Variants in RALGAPB observed in about 807,000 individuals in gnomAD.
RALGAPB encodes the protein ral GTPase-activating protein subunit beta.
In RALGAPB, 25 loss-of-function variants were observed where a neutral mutation model predicts 161.1. The ratio of observed to expected loss-of-function variants is 0.16; its 90% CI spans 0.11 to 0.22. The LOEUF is 0.22. Ranked by LOEUF, RALGAPB falls within the 10% of genes least tolerant of loss-of-function variation. The probability of loss-of-function intolerance (pLI) is 1.00; values close to 1 mark genes in which losing one functional copy is unlikely to be tolerated. For missense variants in RALGAPB, 1,391 were observed against 1,815.2 expected (o/e 0.77, Z 4.25); for synonymous variants, 629 against 626.1 (o/e 1.00, Z -0.07).
intron 9 of RALGAPB, among the ~76,000 whole-genome samples, chr20:38,521,255 A>G (rs2086281107): frequency 6.6e-6 from 1 of 152,250 alleles, no homozygotes; most frequent in African/African-American, 2.4e-5. Context: ...AATTCAGTTG[A>G]AAAATGCTTC....
In RALGAPB at chr20:38,541,129, G is replaced by A. The variant is rs201700424; in HGVS notation, c.2651G>A (p.Gly884Glu). The A allele has an allele frequency of 1.2e-5, 20 of 1,614,082 alleles. No homozygotes were observed. The Admixed American group carries it at 2.3e-4, about 19-fold the overall frequency. ...AATGAGCAAGAGGTCAAGTACAAAG[G>A]AGATAAGGAGCCAAACCCTGCATCT... ...KNNEQEVKYK[G>E]DKEPNPASMR... The change falls in exon 18 of 30, where the codon GGA becomes GAA. Residue 884 changes from glycine (G) to glutamate (E), a missense_variant. Physicochemically the swap from Gly to Glu is moderately conservative, Grantham distance 98 (BLOSUM62 -2). Around this residue, in one of 3 missense-constraint regions of RALGAPB, gnomAD observed 946 missense variants for 1,257.2 expected, o/e 0.75. Coordinates refer to ENST00000262879, the MANE Select transcript of RALGAPB (RefSeq NM_020336.4).
chr20:38,482,909 A>C (rs2085014484), intron 1 of RALGAPB, among the ~76,000 whole-genome samples: 2 of 152,132 alleles, frequency 1.3e-5, no homozygotes, highest in African/African-American at 4.8e-5. Flanking sequence ...TTTTAGACAG[A>C]GTCCCGCTCT....
chr20:38,565,478 A>G lies in RALGAPB; in HGVS notation c.3817A>G (p.Thr1273Ala). Residue 1273 changes from threonine (T) to alanine (A), a missense_variant and splice_region_variant, in exon 25 of 30, where the codon ACT becomes GCT. By Grantham distance (58) the Thr-to-Ala change is moderately conservative (BLOSUM62 0). This residue lies in a region of RALGAPB where 436 missense variants were observed against 527.0 expected (regional missense o/e 0.83). Coordinates refer to ENST00000262879, the MANE Select transcript of RALGAPB (RefSeq NM_020336.4). ...GGTTCCTTCTCCTGTGGAGTCCTTA[A>G]GTAAGATGATTTTTGCATGGTCCTG... ...FVVPSPVESL[T>A]DSLESNISDQ... 2 of 1,612,942 alleles carry G rather than the reference A, an allele frequency of 1.2e-6. No homozygotes were observed.
intron 21 of RALGAPB, 127 bp downstream of exon 21, chr20:38,551,350 C>A: frequency 3.7e-6 from 4 of 1,069,694 alleles, no homozygotes; most frequent in Non-Finnish European, 5.4e-6. Flanking sequence ...CTCCATCATC[C>A]AGGAGGTTGC....
At chr20:38,555,385 A>AT (rs2087544742) in intron 22 of RALGAPB, among the ~76,000 whole-genome samples, 1 of 152,062 alleles carries the variant, frequency 6.6e-6, no homozygotes, top group Non-Finnish European at 1.5e-5. Flanking sequence ...TTTTTTTTGT[A>AT]TTTTTGTATT....
At chr20:38,513,640 C>CT (rs1221102658) in intron 6 of RALGAPB, among the ~76,000 whole-genome samples, 1 of 143,872 alleles carries the variant, frequency 7.0e-6, no homozygotes, top group East Asian at 2.0e-4. Context: ...CAGAGCAAGA[C>CT]TGTCTCAAAA....
intron 1 of RALGAPB, among the ~76,000 whole-genome samples, chr20:38,486,566 G>T (rs889626178): frequency 2.0e-5 from 3 of 152,092 alleles, no homozygotes; most frequent in Non-Finnish European, 4.4e-5. Flanking sequence ...TGCATTTTCA[G>T]CTAGACCCTT....
intron 1 of RALGAPB, among the ~76,000 whole-genome samples, chr20:38,484,996 C>T (rs1229654564): frequency 6.6e-6 from 1 of 152,072 alleles, no homozygotes; most frequent in Non-Finnish European, 1.5e-5. Context: ...CCACACCTGC[C>T]TGGTGATGTG....
chr20:38,557,800 T>C (rs993153374), intron 22 of RALGAPB, among the ~76,000 whole-genome samples: 1 of 152,258 alleles, frequency 6.6e-6, no homozygotes, highest in Non-Finnish European at 1.5e-5. Flanking sequence ...GACATCTTGA[T>C]TGCTTCCACG....
intron 1 of RALGAPB, among the ~76,000 whole-genome samples, chr20:38,482,456 C>T (rs1336371095): frequency 3.3e-5 from 4 of 120,718 alleles, no homozygotes; most frequent in Non-Finnish European, 4.9e-5. Flanking sequence ...GAGACAGAGT[C>T]TTGCTGTGTT....
In RALGAPB at chr20:38,520,874, T is replaced by A. The variant is rs567001649; in HGVS notation, c.1418-623T>A. ...AATCTTTTTTATCAATCCAATTTTC[T>A]GATTTATCAGCCTCAAGTTAGCTGC... On this transcript the variant is annotated intron_variant, in intron 9 of 29. Coordinates refer to ENST00000262879, the MANE Select transcript of RALGAPB (RefSeq NM_020336.4). Among the ~76,000 whole-genome samples the A allele has an allele frequency of 8.5e-5, 13 of 152,334 alleles. No individual in the cohort carries two copies. The East Asian group carries it at 2.5e-3, about 29-fold the overall frequency.
intron 1 of RALGAPB, among the ~76,000 whole-genome samples, chr20:38,480,521 G>C (rs2084936086): frequency 6.6e-6 from 1 of 150,816 alleles, no homozygotes. Flanking sequence ...TGAGTAGCTG[G>C]GATTACAGGC....
At chr20:38,481,847 A>T (rs1319677479) in intron 1 of RALGAPB, among the ~76,000 whole-genome samples, 1 of 152,244 alleles carries the variant, frequency 6.6e-6, no homozygotes, top group African/African-American at 2.4e-5. Flanking sequence ...CTGAATGTTC[A>T]TATGTATAGT....
At chr20:38,517,759 G>A (rs748132685) in intron 8 of RALGAPB, 25 bp from the exon 9 acceptor site, 14 of 1,604,246 alleles carry the variant, frequency 8.7e-6, no homozygotes, top group Non-Finnish European at 1.0e-5. Context: ...ATTGGTATGG[G>A]TGTATTCTTG....
chr20:38,475,421 G>A (rs1334359868), intron 1 of RALGAPB, among the ~76,000 whole-genome samples: 1 of 152,240 alleles, frequency 6.6e-6, no homozygotes, highest in Non-Finnish European at 1.5e-5. Context: ...TTAAAGGAAG[G>A]CAGACCAATA....
At chr20:38,539,071 T>C (rs943821437) in intron 16 of RALGAPB, among the ~76,000 whole-genome samples, 3 of 152,212 alleles carry the variant, frequency 2.0e-5, no homozygotes, top group Admixed American at 6.5e-5. Context: ...GAATGAACAA[T>C]TGATACACCC....
intron 3 of RALGAPB, among the ~76,000 whole-genome samples, chr20:38,497,145 A>G (rs902068757): frequency 3.3e-5 from 5 of 152,184 alleles, no homozygotes; most frequent in African/African-American, 7.2e-5. Context: ...GAGTTCTCAT[A>G]GGAGTGGTAG....
At chr20:38,489,782 G>C (rs1435204508) in intron 2 of RALGAPB, among the ~76,000 whole-genome samples, 1 of 152,112 alleles carries the variant, frequency 6.6e-6, no homozygotes, top group Non-Finnish European at 1.5e-5. Context: ...GAAGAGTAAA[G>C]GTCTTCAGTC....
At chr20:38,560,542 G>A (rs756739927) in intron 23 of RALGAPB, among the ~76,000 whole-genome samples, 3 of 152,152 alleles carry the variant, frequency 2.0e-5, no homozygotes, top group South Asian at 2.1e-4. Flanking sequence ...AGATGAGACC[G>A]ATGGAGTCAA....
Sources: allele counts gnomAD v4.1 joint callset (sites outside exome capture counted in the v4.1 genomes callset), GRCh38; gene constraint gnomAD v4.1.1; regional missense constraint gnomAD v4.1.1; transcripts MANE v1.5; gene names NCBI Gene and HGNC (gene_info 2026-07-23, HGNC 2026-07-21).